FOXP1: variants seen among roughly 807,000 people sequenced by gnomAD.
FOXP1 encodes forkhead box P1.
In FOXP1, 15 loss-of-function variants were observed where a neutral mutation model predicts 98.2. That is an observed-to-expected ratio of 0.15 (90% CI 0.10 to 0.24). The LOEUF (loss-of-function observed/expected upper bound fraction) is 0.24, where lower values mean the gene tolerates loss of function less well. FOXP1 is among the 10% of genes least tolerant of loss of function. The pLI is 1.00. For synonymous variants in FOXP1, 371 were observed against 314.5 expected (o/e 1.18, Z -1.90); for missense variants, 633 against 848.5 (o/e 0.75, Z 3.15).
chr3:71,147,976 C>T lies in FOXP1; in HGVS notation c.181-35339G>A, dbSNP rs116991636. ...CGCCAAAACACTAGAGAAATATTTG[C>T]GTGTCAGAACCTAGAAAGAAATTAT... On this transcript the variant is annotated intron_variant, in intron 6 of 20. Transcript: ENST00000649528. Among the ~76,000 whole-genome samples the T allele has an allele frequency of 1.2e-3, 186 of 152,146 alleles. 1 individual carries two copies. In the East Asian group the frequency reaches 0.029, roughly 24 times the overall value.
intron 14 of FOXP1, among the ~76,000 whole-genome samples, chr3:70,980,574 A>ATGAT (rs2038659729): frequency 6.6e-6 from 1 of 152,240 alleles, no homozygotes; most frequent in Non-Finnish European, 1.5e-5. Flanking sequence ...ACACACTTGT[A>ATGAT]TGATTCTAGA....
Position 71,094,994 on chromosome 3 carries a change from T to C in FOXP1, c.282+17542A>G, listed in dbSNP as rs1359764221. Among the ~76,000 whole-genome samples, 8 of 152,364 alleles carry C rather than the reference T, an allele frequency of 5.3e-5. No homozygotes were observed. In the South Asian group the frequency reaches 1.5e-3, roughly 28 times the overall value. On this transcript the variant is annotated intron_variant, in intron 7 of 20. Transcript: ENST00000649528. ...ATGCCTTTGATCTGCAGTTACATTATCTTCAATTAAGCATTAATATATTGT... is the reference window on the plus strand; with the variant it reads ...ATGCCTTTGATCTGCAGTTACATTACCTTCAATTAAGCATTAATATATTGT...
chr3:71,386,660 C>T (rs1244348938), intron 3 of FOXP1, among the ~76,000 whole-genome samples: 1 of 148,064 alleles, frequency 6.8e-6, no homozygotes, highest in Non-Finnish European at 1.5e-5. Flanking sequence ...AGAGAATCAC[C>T]TGAACCCGGG....
chr3:70,970,575 C>A, intron 19 of FOXP1, 161 bp downstream of exon 19: 2 of 706,186 alleles, frequency 2.8e-6, no homozygotes, highest in African/African-American at 1.8e-5. Context: ...TGAAGCAGCC[C>A]GATGTGTTTG....
chr3:71,059,204 C>CA (rs901115114), intron 7 of FOXP1, among the ~76,000 whole-genome samples: 4 of 152,012 alleles, frequency 2.6e-5, no homozygotes, highest in Non-Finnish European at 5.9e-5. Flanking sequence ...CTTTCTTTCA[C>CA]AAAAAAATTG....
intron 11 of FOXP1, among the ~76,000 whole-genome samples, chr3:71,040,821 C>G (rs2048244014): frequency 2.0e-5 from 3 of 152,180 alleles, no homozygotes; most frequent in Non-Finnish European, 4.4e-5. Context: ...TCCTCCAAAC[C>G]TTCACTCAGA....
chr3:71,156,509 G>T (rs574017938), intron 6 of FOXP1, among the ~76,000 whole-genome samples: 4 of 64,936 alleles, frequency 6.2e-5, no homozygotes, highest in Admixed American at 2.8e-4. Flanking sequence ...AGCCTGGGAG[G>T]GGGGGAAAAG....
intron 3 of FOXP1, among the ~76,000 whole-genome samples, chr3:71,485,171 G>A (rs541613959): frequency 1.3e-5 from 2 of 152,306 alleles, no homozygotes; most frequent in African/African-American, 2.4e-5. Flanking sequence ...CAGGGGTGCA[G>A]AGGCCTGGTT....
chr3:71,182,148 G>A (rs886692480), intron 6 of FOXP1, among the ~76,000 whole-genome samples: 2 of 152,082 alleles, frequency 1.3e-5, no homozygotes, highest in South Asian at 2.1e-4. Flanking sequence ...GTTAGATAAT[G>A]AGTAGTGGTT....
chr3:71,291,482 C>A (rs1190122465), intron 5 of FOXP1, among the ~76,000 whole-genome samples: 1 of 152,116 alleles, frequency 6.6e-6, no homozygotes, highest in African/African-American at 2.4e-5. Context: ...GCTAGTGGCT[C>A]CCACACTGGA....
In FOXP1 at chr3:71,182,496, A is replaced by ATGTGTG. The variant is rs1386870282; in HGVS notation, c.180+15705_180+15706insCACACA. On this transcript the variant is annotated intron_variant, in intron 6 of 20. Coordinates refer to ENST00000649528, the MANE Select transcript of FOXP1 (RefSeq NM_001349338.3). Reference sequence around the variant, plus strand: ...GGGGATATACAGAAAAGTGTAAACTATATATATGTGTGTGTGTGTGTGTGT... The same window carrying ATGTGTG: ...GGGGATATACAGAAAAGTGTAAACTATGTGTGTATATATGTGTGTGTGTGTGTGTGT... Among the ~76,000 whole-genome samples the ATGTGTG allele has an allele frequency of 4.7e-3, 663 of 140,714 alleles. 5 individuals carry two copies. Among genetic ancestry groups the ATGTGTG allele is most frequent in the African/African-American group, 0.017 (635 of 37,374 alleles). 92.3% of individuals were successfully genotyped at this position (140,714 alleles called of 152,430 possible).
intron 6 of FOXP1, among the ~76,000 whole-genome samples, chr3:71,179,093 G>GCCTA (rs1304871760): frequency 6.7e-6 from 1 of 148,892 alleles, no homozygotes; most frequent in Non-Finnish European, 1.5e-5. Context: ...AACTAGGATG[G>GCCTA]CCTACCTATT....
chr3:71,508,591 G>C (rs977438221), intron 2 of FOXP1, among the ~76,000 whole-genome samples: 1 of 152,226 alleles, frequency 6.6e-6, no homozygotes, highest in Non-Finnish European at 1.5e-5. Context: ...TGTAATATGA[G>C]TGATACTCAT....
chr3:71,563,828 A>G (rs561381719), intron 2 of FOXP1, among the ~76,000 whole-genome samples: 1 of 152,350 alleles, frequency 6.6e-6, no homozygotes, highest in South Asian at 2.1e-4. Context: ...CGTGTTTTCA[A>G]CACTGTCTCA....
chr3:71,166,388 C>T (rs1420909927), intron 6 of FOXP1, among the ~76,000 whole-genome samples: 1 of 152,196 alleles, frequency 6.6e-6, no homozygotes, highest in Non-Finnish European at 1.5e-5. Flanking sequence ...TCACGCAGTT[C>T]CATTCTTTAA....
intron 3 of FOXP1, among the ~76,000 whole-genome samples, chr3:71,416,107 C>T: frequency 6.6e-6 from 1 of 152,180 alleles, no homozygotes; most frequent in East Asian, 1.9e-4. Context: ...TGTAAAGTTA[C>T]ATTCTTGTCT....
Position 71,397,071 on chromosome 3 carries a change from T to TAC in FOXP1, c.-167-37828_-167-37827insGT, listed in dbSNP as rs1342142114. 9.6e-5 allele frequency among the ~76,000 whole-genome samples: 8 copies of TAC among 82,928 alleles called. 1 individual carries two copies. The highest frequency in any genetic ancestry group is 8.2e-4 in the East Asian group (2 of 2,448). 54.4% of individuals were successfully genotyped at this position (82,928 alleles called of 152,430 possible). A position where few individuals can be genotyped will look rare whatever the true frequency, so the allele number is the denominator to read the frequency against. ...ATACACATATATATGTGTATATATA[T>TAC]ATACATATATATGTGTATATATATA... is the stretch of plus-strand genomic sequence containing the variant. On this transcript the variant is annotated intron_variant, in intron 3 of 20. Coordinates refer to ENST00000649528, the MANE Select transcript of FOXP1 (RefSeq NM_001349338.3).
chr3:71,152,602 T>A (rs771857826), intron 6 of FOXP1, among the ~76,000 whole-genome samples: 40 of 152,114 alleles, frequency 2.6e-4, no homozygotes, highest in Non-Finnish European at 5.0e-4. Context: ...CACACAGACC[T>A]GCTCCTGTGC....
intron 4 of FOXP1, among the ~76,000 whole-genome samples, chr3:71,331,969 G>A (rs1311335705): frequency 6.6e-6 from 1 of 152,160 alleles, no homozygotes; most frequent in African/African-American, 2.4e-5. Flanking sequence ...GGACCAATCA[G>A]CTCTCTGTAA....
Sources: allele counts gnomAD v4.1 joint callset (sites outside exome capture counted in the v4.1 genomes callset), GRCh38; gene constraint gnomAD v4.1.1; transcripts MANE v1.5; gene names NCBI Gene and HGNC (gene_info 2026-07-23, HGNC 2026-07-21).